SSBP4: variants seen among roughly 807,000 people sequenced by gnomAD.
SSBP4 encodes the protein single stranded DNA binding protein 4, also known as single-stranded DNA-binding protein 4.
In SSBP4, 33 loss-of-function variants were observed where a neutral mutation model predicts 64.6. The ratio of observed to expected loss-of-function variants is 0.51; its 90% CI spans 0.39 to 0.68. The LOEUF is 0.68. Ranked by LOEUF, SSBP4 falls within the 30% of genes least tolerant of loss-of-function variation. The pLI, the probability that SSBP4 is intolerant of heterozygous loss-of-function variation, is 0.00. For synonymous variants in SSBP4, 243 were observed against 224.0 expected, an observed-to-expected ratio of 1.08 and a Z score of -0.76; for missense variants, 583 against 566.8, an observed-to-expected ratio of 1.03 and a Z score of -0.29.
At chr19:18,402,872 C>T in the SSBP4 span, among the ~76,000 whole-genome samples, 1 of 152,166 alleles carries the variant, frequency 6.6e-6, no homozygotes, top group Non-Finnish European at 1.5e-5. Context: ...GATCGTCCCC[C>T]CAGCCCGACA....
Position 18,423,656 on chromosome 19 carries a change from G to T in SSBP4, c.60-3695G>T, listed in dbSNP as rs1972613684. Among the ~76,000 whole-genome samples the T allele has an allele frequency of 6.6e-6, 1 of 152,152 alleles. No homozygotes were observed. Among genetic ancestry groups the T allele is most frequent in the Admixed American group, 6.5e-5 (1 of 15,280 alleles). ...GCTGTGGTACATTTCAGGCCACCAG[G>T]CGCTAGCACCCCATCCTGGCTCTGC... On this transcript the variant is annotated intron_variant, in intron 1 of 17. Transcript: ENST00000270061. The surrounding 1 kb of genome is among the most constrained non-coding windows in gnomAD (Gnocchi z 4.0).
intron 6 of SSBP4, 22 bp downstream of exon 6, chr19:18,431,440 C>T (rs377300360): frequency 2.4e-5 from 34 of 1,409,906 alleles, no homozygotes; most frequent in African/African-American, 1.2e-4. Flanking sequence ...TGGTGCCTGC[C>T]CCTCACACAC....
At chr19:18,403,785 T>C in the SSBP4 span, among the ~76,000 whole-genome samples, 1 of 151,862 alleles carries the variant, frequency 6.6e-6, no homozygotes, top group Non-Finnish European at 1.5e-5. Context: ...CTGGGGCCCC[T>C]GGGGTCTGGG....
chr19:18,406,809 G>A, the SSBP4 span, among the ~76,000 whole-genome samples: 5 of 152,066 alleles, frequency 3.3e-5, no homozygotes, highest in African/African-American at 7.2e-5. Context: ...TGGAGCCAGC[G>A]GTCAGGACCA....
upstream of SSBP4, among the ~76,000 whole-genome samples, chr19:18,418,271 A>T (rs1660506925): frequency 6.6e-6 from 1 of 152,188 alleles, no homozygotes; most frequent in Non-Finnish European, 1.5e-5. This position sits in a 1 kb window ranked among gnomAD's most constrained non-coding sequence, Gnocchi z 6.7. Context: ...AAAGAGGAAT[A>T]GCCGTGGCAA....
At chr19:18,404,365 A>C in the SSBP4 span, among the ~76,000 whole-genome samples, 2 of 151,662 alleles carry the variant, frequency 1.3e-5, no homozygotes, top group African/African-American at 2.4e-5. Flanking sequence ...AGGCTGAGGC[A>C]GGTGGATCAC....
chr19:18,409,862 C>T, the SSBP4 span, among the ~76,000 whole-genome samples: 1 of 151,164 alleles, frequency 6.6e-6, no homozygotes, highest in East Asian at 2.0e-4. Context: ...GTCTGAGTCT[C>T]GCTCTGTCAT....
Position 18,427,552 on chromosome 19 carries a change from G to A in SSBP4, c.132+129G>A, listed in dbSNP as rs1000114419. ...GGCCCTGGGAACTGAGGGCTCTGCA[G>A]GGTCCAGGCCCTGGGCTAGCATCCA... On this transcript the variant is annotated intron_variant, in intron 2 of 17. Transcript: ENST00000270061. This position sits in a 1 kb window ranked among gnomAD's most constrained non-coding sequence, Gnocchi z 4.4. 1.8e-5 allele frequency: 23 copies of A among 1,301,750 alleles called. No homozygotes were observed. The highest frequency in any genetic ancestry group is 8.4e-6 in the Non-Finnish European group (8 of 947,362). 80.6% of individuals were successfully genotyped at this position (1,301,750 alleles called of 1,614,324 possible). A position where few individuals can be genotyped will look rare whatever the true frequency, so the allele number is the denominator to read the frequency against.
chr19:18,404,950 T>C, the SSBP4 span, among the ~76,000 whole-genome samples: 2 of 129,498 alleles, frequency 1.5e-5, no homozygotes, highest in African/African-American at 3.0e-5. Context: ...CCAGAGATCC[T>C]CACAGACCCT....
chr19:18,429,139 C>T lies in SSBP4; in HGVS notation c.279+1157C>T, dbSNP rs565417646. On this transcript the variant is annotated intron_variant, in intron 4 of 17. Coordinates refer to ENST00000270061, the MANE Select transcript of SSBP4 (RefSeq NM_032627.5). The stretch of plus-strand genomic sequence containing the variant: ...CGAATCCCCGCGGGGACTCGTCATG[C>T]CGGGCCGTCGCCTCCGTTGCTCTCG... Among the ~76,000 whole-genome samples the T allele has an allele frequency of 7.9e-5, 12 of 152,282 alleles. No individual in the cohort carries two copies. In the South Asian group the frequency reaches 2.3e-3, roughly 29 times the overall value.
At chr19:18,415,779 T>G (rs1315778335), upstream of SSBP4, among the ~76,000 whole-genome samples, 1 of 152,030 alleles carries the variant, frequency 6.6e-6, no homozygotes, top group Non-Finnish European at 1.5e-5. Context: ...AGGGTGAGGG[T>G]ACAGTCGGCC....
Position 18,431,775 on chromosome 19 carries a change from GCCGCACCCCCT to G in SSBP4, c.496-12_496-2del. On this transcript the variant is annotated splice_region_variant and splice_polypyrimidine_tract_variant and intron_variant, in intron 7 of 17. Transcript: ENST00000270061. ...GAGGGAGCACCCCACACTCAGTGCC[GCCGCACCCCCT>G]CCGCAGCCTCCCGCAGGCCTCCCTG... 6.5e-7 allele frequency: 1 copy of G among 1,542,108 alleles called. No individual in the cohort carries two copies. The highest frequency in any genetic ancestry group is 8.8e-7 in the Non-Finnish European group (1 of 1,140,162).
rs947321460 is a variant in SSBP4 at position 18,423,929 on chromosome 19, T to A, written c.60-3422T>A. ...GATTTGCATCCAGAGCCCTTCCCTA[T>A]AACTGAGCTCAGGGCCCCAACCGGT... is the stretch of plus-strand genomic sequence containing the variant. On this transcript the variant is annotated intron_variant, in intron 1 of 17. Transcript: ENST00000270061. The surrounding 1 kb of genome is among the most constrained non-coding windows in gnomAD (Gnocchi z 4.0). 6.6e-6 allele frequency among the ~76,000 whole-genome samples: 1 copy of A among 152,118 alleles called. No individual in the cohort carries two copies. Among genetic ancestry groups the A allele is most frequent in the Non-Finnish European group, 1.5e-5 (1 of 68,004 alleles).
In SSBP4 at chr19:18,432,724, G is replaced by A. The variant is rs369625906; in HGVS notation, c.775G>A (p.Gly259Ser). 4.7e-5 allele frequency: 74 copies of A among 1,588,748 alleles called. No homozygotes were observed. Among genetic ancestry groups the A allele is most frequent in the East Asian group, 2.7e-4 (12 of 44,412 alleles). ...NSIPYSSSSP[G>S]SYTGPPGGGG... The stretch of plus-strand genomic sequence containing the variant: ...GATCCCCTACTCCTCCTCATCCCCC[G>A]GCAGCTACACCGTAAGTCTGAGCAA... The change falls in exon 12 of 18, where the codon GGC (glycine) becomes AGC (serine). Residue 259 changes from glycine to serine, a missense_variant. By Grantham distance (56) the Gly-to-Ser change is moderately conservative. Transcript: ENST00000270061.
At chr19:18,407,130 C>T in the SSBP4 span, among the ~76,000 whole-genome samples, 4 of 152,030 alleles carry the variant, frequency 2.6e-5, no homozygotes, top group Admixed American at 6.6e-5. Context: ...CTCTGCCTCC[C>T]GGGTTCAAGC....
At chr19:18,433,304 T>C (rs1973630090) in intron 15 of SSBP4, 91 bp downstream of exon 15, 2 of 1,472,044 alleles carry the variant, frequency 1.4e-6, no homozygotes, top group South Asian at 2.5e-5. Flanking sequence ...GCCTGCCGGG[T>C]GGAGGCGTCT....
chr19:18,430,236 C>T (rs1370719864), intron 4 of SSBP4, among the ~76,000 whole-genome samples: 2 of 152,196 alleles, frequency 1.3e-5, no homozygotes, highest in African/African-American at 4.8e-5. Context: ...CCCCACCTTC[C>T]CCCTGCCAGA....
upstream of SSBP4, chr19:18,419,233 G>T: frequency 1.0e-6 from 1 of 988,750 alleles, no homozygotes; most frequent in Middle Eastern, 5.2e-4. Flanking sequence ...ATCCTGACCC[G>T]CGAGTGTGTA....
At position 18,430,028 on chromosome 19, in the gene SSBP4, C is replaced by G. The variant is rs572421624; in HGVS notation, c.280-813C>G. ...TCTCTGAGCCCAAGTGGCTGTAGTT[C>G]ATGCCACAAACACCTGAGTGTCCCT... On this transcript the variant is annotated intron_variant, in intron 4 of 17. Transcript: ENST00000270061. Among the ~76,000 whole-genome samples, 441 of 152,340 alleles carry G rather than the reference C, an allele frequency of 2.9e-3. 4 individuals are homozygous for G. Among genetic ancestry groups the G allele is most frequent in the African/African-American group, 0.01 (424 of 41,580 alleles).
Sources: allele counts gnomAD v4.1 joint callset (sites outside exome capture counted in the v4.1 genomes callset), GRCh38; gene constraint gnomAD v4.1.1; non-coding constraint Gnocchi (gnomAD v3.1); transcripts MANE v1.5; gene names NCBI Gene and HGNC (gene_info 2026-07-23, HGNC 2026-07-21).